Variants in HDAC9 observed in about 807,000 individuals in gnomAD.
The protein encoded by HDAC9 is MEF-2 interacting transcription repressor (MITR) protein.
A neutral mutation model predicts 139.4 loss-of-function variants in HDAC9; 41 were observed. The ratio of observed to expected loss-of-function variants is 0.29; its 90% CI spans 0.23 to 0.38. HDAC9 has a LOEUF of 0.38. Among genes scored for constraint, HDAC9 ranks in the 10% least tolerant of loss-of-function variants. HDAC9 has a pLI of 1.00. For synonymous variants in HDAC9, 517 were observed against 476.2 expected (o/e 1.09, Z -1.12); for missense variants, 1,147 against 1,297.0 (o/e 0.88, Z 1.78).
At chr7:18,606,232 C>G (rs1042187875) in intron 6 of HDAC9, among the ~76,000 whole-genome samples, 2 of 152,090 alleles carry the variant, frequency 1.3e-5, no homozygotes, top group Non-Finnish European at 2.9e-5. Context: ...TTACTTTGTT[C>G]AGCTTTTTAC....
intron 13 of HDAC9, among the ~76,000 whole-genome samples, chr7:18,733,057 G>T (rs1443723453): frequency 7.0e-6 from 1 of 143,832 alleles, no homozygotes; most frequent in Non-Finnish European, 1.5e-5. Flanking sequence ...ATATACATGT[G>T]TATATACGTA....
At chr7:18,281,344 GT>G (rs1336328289) in intron 2 of HDAC9, among the ~76,000 whole-genome samples, 2 of 152,148 alleles carry the variant, frequency 1.3e-5, no homozygotes, top group African/African-American at 4.8e-5. Context: ...TACTGCATGG[GT>G]TTTGCAGCCA....
At chr7:18,346,847 T>C (rs1005611088) in intron 1 of HDAC9, among the ~76,000 whole-genome samples, 64 of 152,148 alleles carry the variant, frequency 4.2e-4, no homozygotes, top group Admixed American at 3.9e-4. Context: ...AGCCAGAAGC[T>C]GAGAGTGCAG....
intron 21 of HDAC9, among the ~76,000 whole-genome samples, chr7:18,842,449 G>T (rs1796646021): frequency 6.6e-6 from 1 of 152,000 alleles, no homozygotes; most frequent in Admixed American, 6.6e-5. Context: ...AAGCAGTAAT[G>T]ATTTTCATCT....
chr7:18,624,513 G>A (rs1051249138), intron 6 of HDAC9, among the ~76,000 whole-genome samples: 1 of 152,076 alleles, frequency 6.6e-6, no homozygotes, highest in Non-Finnish European at 1.5e-5. Context: ...TGTAGAGAAT[G>A]ATGGGTGTGG....
chr7:18,787,069 T>C (rs3854289), intron 16 of HDAC9, among the ~76,000 whole-genome samples: 98,201 of 151,900 alleles, frequency 0.65, 33,753 homozygotes, highest in Non-Finnish European at 0.78. Context: ...GTTTAAAATG[T>C]TTTGCCTATT....
chr7:18,686,617 A>C (rs1282662689), intron 12 of HDAC9, among the ~76,000 whole-genome samples: 1 of 151,956 alleles, frequency 6.6e-6, no homozygotes, highest in Non-Finnish European at 1.5e-5. Flanking sequence ...TTCACCTCTT[A>C]GAATATCTAG....
At chr7:18,503,511 G>A (rs1048861288) in intron 2 of HDAC9, among the ~76,000 whole-genome samples, 4 of 152,134 alleles carry the variant, frequency 2.6e-5, no homozygotes, top group Admixed American at 1.3e-4. Flanking sequence ...AATACTTCTT[G>A]TGTTTTTATA....
At position 18,629,381 on chromosome 7, in the gene HDAC9, G is replaced by C; in HGVS notation, c.696G>C (p.Arg232Ser). 6.2e-7 allele frequency: 1 copy of C among 1,607,970 alleles called. No individual in the cohort carries two copies. Among genetic ancestry groups the C allele is most frequent in the Non-Finnish European group, 8.5e-7 (1 of 1,177,618 alleles). Residue 232 changes from arginine to serine, a missense_variant, in exon 7 of 26, where the codon AGG (arginine) becomes AGC (serine). Coordinates refer to ENST00000686413, the MANE Select transcript of HDAC9 (RefSeq NM_178425.4). ...ASEPNLKVRS[R>S]LKQKVAERRS... ...AGCCCAACTTGAAGGTGCGGTCCAG[G>C]TTAAAACAGAAAGTGGCAGAGAGGA...
intron 1 of HDAC9, among the ~76,000 whole-genome samples, chr7:18,420,659 G>A (rs1463932615): frequency 1.3e-5 from 2 of 152,096 alleles, no homozygotes; most frequent in African/African-American, 4.8e-5. Flanking sequence ...AGACATTCTT[G>A]TGGATCATGC....
At chr7:18,307,419 A>G (rs1799000611) in intron 1 of HDAC9, among the ~76,000 whole-genome samples, 1 of 152,210 alleles carries the variant, frequency 6.6e-6, no homozygotes, top group East Asian at 1.9e-4. Context: ...AAAAAAATTC[A>G]TTTCCCCCAA....
At chr7:18,676,305 C>T (rs1781503783) in intron 12 of HDAC9, among the ~76,000 whole-genome samples, 1 of 151,944 alleles carries the variant, frequency 6.6e-6, no homozygotes, top group Non-Finnish European at 1.5e-5. Flanking sequence ...AAAGATTTTT[C>T]TGTCTCTGCT....
chr7:18,432,934 G>A (rs536791338), intron 1 of HDAC9, among the ~76,000 whole-genome samples: 1 of 146,940 alleles, frequency 6.8e-6, no homozygotes, highest in South Asian at 2.2e-4. Context: ...CTGGGCAACA[G>A]AATGAGACTC....
At chr7:18,957,727 A>C (rs989931983) in intron 24 of HDAC9, among the ~76,000 whole-genome samples, 1 of 152,148 alleles carries the variant, frequency 6.6e-6, no homozygotes, top group African/African-American at 2.4e-5. Flanking sequence ...GCTGCCCCTG[A>C]AGGTAGTCCT....
chr7:18,646,240 G>A (rs1353283848), intron 9 of HDAC9, among the ~76,000 whole-genome samples: 1 of 151,706 alleles, frequency 6.6e-6, no homozygotes, highest in Non-Finnish European at 1.5e-5. Flanking sequence ...ACTTATTTTT[G>A]TATGTTCTAA....
chr7:18,838,117 G>A (rs2129212776), intron 21 of HDAC9, among the ~76,000 whole-genome samples: 1 of 152,122 alleles, frequency 6.6e-6, no homozygotes, highest in Middle Eastern at 3.4e-3. Flanking sequence ...ATGACCAGAA[G>A]TACTTGTGAA....
chr7:18,593,951 A>G lies in HDAC9; in HGVS notation c.586A>G (p.Ser196Gly). Residue 196 changes from serine (S) to glycine (G), a missense_variant, in exon 6 of 26, where the codon AGT (serine) becomes GGT (glycine). Ser to Gly is a moderately conservative substitution (Grantham distance 56). Around this residue, in one of 7 missense-constraint regions of HDAC9, gnomAD observed 79 missense variants for 65.8 expected, o/e 1.20. Coordinates refer to ENST00000686413, the MANE Select transcript of HDAC9 (RefSeq NM_178425.4). The part of the protein sequence containing the change: ...TSLDQSSPPL[S>G]GTSPSYKYTL... ...ATTGGATCAAAGCTCTCCACCCCTT[A>G]GTGGAACATCTCCATCCTACAAGTA... 6 of 1,612,578 alleles carry G rather than the reference A, an allele frequency of 3.7e-6. No individual in the cohort carries two copies. The East Asian group carries it at 6.7e-5, about 18-fold the overall frequency.
intron 6 of HDAC9, among the ~76,000 whole-genome samples, chr7:18,610,572 A>G (rs1836847602): frequency 6.6e-6 from 1 of 152,142 alleles, no homozygotes; most frequent in South Asian, 2.1e-4. Context: ...TTACCTCTCA[A>G]ATAACCTGGA....
At chr7:18,711,258 A>G (rs984456087) in intron 12 of HDAC9, among the ~76,000 whole-genome samples, 2 of 152,174 alleles carry the variant, frequency 1.3e-5, no homozygotes, top group African/African-American at 4.8e-5. Context: ...ATCTCAATTC[A>G]ACAAATCATA....
Sources: gnomAD v4.1 joint callset for allele counts (sites outside exome capture counted in the v4.1 genomes callset) on GRCh38, gnomAD v4.1.1 for gene constraint, gnomAD v4.1.1 regional missense constraint, MANE v1.5 for transcripts, NCBI Gene and HGNC (gene_info 2026-07-23, HGNC 2026-07-21) for gene names.